The following CTNND2 variants were observed in gnomAD, a reference collection of about 807,000 sequenced individuals.
The protein encoded by CTNND2 is catenin delta 2.
A neutral mutation model predicts 144.4 loss-of-function variants in CTNND2; 22 were observed. The ratio of observed to expected loss-of-function variants is 0.15; its 90% CI spans 0.11 to 0.22. The LOEUF (loss-of-function observed/expected upper bound fraction) is 0.22. Among genes scored for constraint, CTNND2 ranks in the 10% least tolerant of loss-of-function variants. The probability of loss-of-function intolerance (pLI) is 1.00; values close to 1 mark genes in which losing one functional copy is unlikely to be tolerated. For missense variants in CTNND2, 1,353 were observed against 1,618.8 expected (o/e 0.84, Z 2.82); for synonymous variants, 751 against 695.6 (o/e 1.08, Z -1.25).
intron 2 of CTNND2, among the ~76,000 whole-genome samples, chr5:11,691,177 C>T (rs968845108): frequency 1.3e-5 from 2 of 152,156 alleles, no homozygotes; most frequent in Admixed American, 6.5e-5. Flanking sequence ...TGAGACCATC[C>T]TGGCTAACAT....
chr5:11,515,922 A>G (rs572301719), intron 3 of CTNND2, among the ~76,000 whole-genome samples: 31 of 152,260 alleles, frequency 2.0e-4, no homozygotes, highest in Middle Eastern at 3.4e-3. Flanking sequence ...CAACATAGCA[A>G]GAACCCATCT....
intron 2 of CTNND2, among the ~76,000 whole-genome samples, chr5:11,626,562 T>C (rs1254363203): frequency 1.3e-5 from 2 of 152,184 alleles, no homozygotes; most frequent in African/African-American, 4.8e-5. Flanking sequence ...GTTAAGTGGT[T>C]GAGTCCTGGA....
chr5:11,547,733 A>G (rs1476716047), intron 3 of CTNND2, among the ~76,000 whole-genome samples: 2 of 152,204 alleles, frequency 1.3e-5, no homozygotes, highest in Non-Finnish European at 2.9e-5. Context: ...CACCAAAATA[A>G]TTAGGAAAAT....
chr5:11,169,489 T>C (rs16901339), intron 11 of CTNND2, among the ~76,000 whole-genome samples: 34,145 of 152,098 alleles, frequency 0.22, 4,796 homozygotes, highest in African/African-American at 0.4. Context: ...CATCACCTTA[T>C]CTCTATGCAT....
At chr5:11,572,456 C>A (rs1011060346) in intron 2 of CTNND2, among the ~76,000 whole-genome samples, 4 of 152,168 alleles carry the variant, frequency 2.6e-5, no homozygotes, top group African/African-American at 9.7e-5. Context: ...TGGGCCTTTA[C>A]AGAAGCATTT....
At chr5:11,902,055 A>G (rs1737940998) in intron 1 of CTNND2, among the ~76,000 whole-genome samples, 1 of 152,226 alleles carries the variant, frequency 6.6e-6, no homozygotes, top group East Asian at 1.9e-4. Flanking sequence ...TATTCAATCA[A>G]CTTGAGCCGT....
rs538396895 is a variant in CTNND2, at chr5:11,188,325, C to G, written c.1975+11123G>C. Among the ~76,000 whole-genome samples the G allele has an allele frequency of 3.3e-5, 5 of 152,214 alleles. No individual in the cohort carries two copies. In the East Asian group the frequency reaches 9.7e-4, roughly 29 times the overall value. ...GCAGAAACATGGATGGAGCTGGAAGCCACTATCCTCAGCAAACTAACACAA... is the reference window on the plus strand; with the variant it reads ...GCAGAAACATGGATGGAGCTGGAAGGCACTATCCTCAGCAAACTAACACAA... On this transcript the variant is annotated intron_variant, in intron 11 of 21. Transcript: ENST00000304623.
chr5:11,174,782 G>A (rs1199374692), intron 11 of CTNND2, among the ~76,000 whole-genome samples: 2 of 152,204 alleles, frequency 1.3e-5, no homozygotes, highest in African/African-American at 4.8e-5. Flanking sequence ...AGCAGAGCGT[G>A]GCAAAGCACG....
chr5:11,618,342 G>A (rs915474217), intron 2 of CTNND2, among the ~76,000 whole-genome samples: 7 of 152,094 alleles, frequency 4.6e-5, no homozygotes, highest in African/African-American at 1.2e-4. Context: ...AAAAATATGC[G>A]CAATTTTGCT....
rs1352424109 is a variant in CTNND2 at position 11,904,418 on chromosome 5, G to C, written c.-565C>G. 1.3e-5 allele frequency among the ~76,000 whole-genome samples: 2 copies of C among 151,744 alleles called. No homozygotes were observed. The highest frequency in any genetic ancestry group is 4.8e-5 in the African/African-American group (2 of 41,376). Reference sequence around the variant, plus strand: ...GCGCCCGGCTAGTGAGGGAGCGTCCGCCCCGCCGCCGAAACCGGCCCCGGG... The same window carrying C: ...GCGCCCGGCTAGTGAGGGAGCGTCCCCCCCGCCGCCGAAACCGGCCCCGGG... On this transcript the variant is annotated 5_prime_UTR_variant, in exon 1 of 22. Coordinates refer to ENST00000304623, the MANE Select transcript of CTNND2 (RefSeq NM_001332.4). This position sits in a 1 kb window ranked among gnomAD's most constrained non-coding sequence, Gnocchi z 4.2.
intron 12 of CTNND2, among the ~76,000 whole-genome samples, chr5:11,126,349 C>A (rs541248981): frequency 6.6e-6 from 1 of 151,998 alleles, no homozygotes; most frequent in East Asian, 1.9e-4. Context: ...AAATTAATAC[C>A]CTGTTAATGA....
At chr5:11,269,218 A>G (rs189943237) in intron 9 of CTNND2, among the ~76,000 whole-genome samples, 16 of 152,344 alleles carry the variant, frequency 1.1e-4, no homozygotes, top group Non-Finnish European at 2.2e-4. Flanking sequence ...AATGGGGGAA[A>G]GCGAGGCAGT....
rs78694723 is a variant in CTNND2, at chr5:11,837,512, A to G, written c.37+66305T>C. Among the ~76,000 whole-genome samples the G allele has an allele frequency of 6.3e-3, 958 of 152,362 alleles. 7 individuals are homozygous for G. The highest frequency in any genetic ancestry group is 0.021 in the African/African-American group (894 of 41,582). ...AGGGCAGGGAAGACTAGTCATCATA[A>G]GAGAAGGCAATCTCGAATCTCCATT... On this transcript the variant is annotated intron_variant, in intron 1 of 21. Coordinates refer to ENST00000304623, the MANE Select transcript of CTNND2 (RefSeq NM_001332.4).
intron 2 of CTNND2, among the ~76,000 whole-genome samples, chr5:11,580,602 A>C (rs1458304636): frequency 6.6e-6 from 1 of 152,190 alleles, no homozygotes; most frequent in Non-Finnish European, 1.5e-5. Flanking sequence ...TGGGATCTAG[A>C]AAGTCATTTA....
At chr5:11,199,263 T>C (rs1054239156) in intron 11 of CTNND2, among the ~76,000 whole-genome samples, 185 bp downstream of exon 11, 6 of 152,230 alleles carry the variant, frequency 3.9e-5, no homozygotes, top group African/African-American at 1.4e-4. Context: ...TTATTGAATA[T>C]GAATCCATGC....
intron 3 of CTNND2, among the ~76,000 whole-genome samples, chr5:11,550,978 T>A (rs1310775008): frequency 6.6e-6 from 1 of 152,182 alleles, no homozygotes; most frequent in Non-Finnish European, 1.5e-5. Flanking sequence ...CTCTGCAGCC[T>A]CTGGAAGCCC....
At chr5:11,301,854 C>T (rs994785923) in intron 9 of CTNND2, among the ~76,000 whole-genome samples, 2 of 152,138 alleles carry the variant, frequency 1.3e-5, no homozygotes, top group East Asian at 1.9e-4. Context: ...GACTTAATTG[C>T]CCTAAACTTT....
intron 2 of CTNND2, among the ~76,000 whole-genome samples, chr5:11,630,612 C>T (rs73057717): frequency 0.012 from 1,777 of 152,104 alleles, 42 homozygotes; most frequent in African/African-American, 0.041. Context: ...TTCCTTTTTC[C>T]TTTATTGATA....
intron 16 of CTNND2, 68 bp downstream of exon 16, chr5:11,082,628 C>T: frequency 1.9e-6 from 3 of 1,567,912 alleles, no homozygotes; most frequent in African/African-American, 1.4e-5. Flanking sequence ...ACGGGTTCAA[C>T]CACACCTACC....
Sources: gnomAD v4.1 joint callset for allele counts (sites outside exome capture counted in the v4.1 genomes callset) on GRCh38, gnomAD v4.1.1 for gene constraint, Gnocchi (gnomAD v3.1) non-coding constraint, MANE v1.5 for transcripts, NCBI Gene and HGNC (gene_info 2026-07-23, HGNC 2026-07-21) for gene names.